PSMD12: variants seen among roughly 807,000 people sequenced by gnomAD.
PSMD12 encodes the protein 26S proteasome non-ATPase regulatory subunit 12.
PSMD12 carries 8 observed loss-of-function variants against 62.9 expected under a neutral mutation model. The ratio of observed to expected loss-of-function variants is 0.13; its 90% CI spans 0.07 to 0.23. The LOEUF (loss-of-function observed/expected upper bound fraction) is 0.23, where lower values mean the gene tolerates loss of function less well. Among genes scored for constraint, PSMD12 ranks in the 10% least tolerant of loss-of-function variants. PSMD12 has a pLI of 1.00. For synonymous variants in PSMD12, 173 were observed against 187.4 expected, an observed-to-expected ratio of 0.92 and a Z score of 0.63; for missense variants, 424 against 550.2, an observed-to-expected ratio of 0.77 and a Z score of 2.29.
At chr17:67,351,042 C>T (rs145681975) in intron 3 of PSMD12, among the ~76,000 whole-genome samples, 1 of 151,976 alleles carries the variant, frequency 6.6e-6, no homozygotes, top group Non-Finnish European at 1.5e-5. Flanking sequence ...GATTTGTGTC[C>T]CATCATTTGC....
At chr17:67,349,512 T>A in intron 4 of PSMD12, among the ~76,000 whole-genome samples, 1 of 152,212 alleles carries the variant, frequency 6.6e-6, no homozygotes, top group East Asian at 1.9e-4. Context: ...GAAATTACTA[T>A]GTTTAACAAA....
rs1598574496 is a variant in PSMD12, at chr17:67,357,793, A to C, written c.109-215T>G. On this transcript the variant is annotated intron_variant, in intron 1 of 10. Transcript: ENST00000356126. The stretch of plus-strand genomic sequence containing the variant: ...CAGTGGTTCCCTACTTGAAGCCCAT[A>C]AGCTATTTTTAATATTTTTAAATGC... Among the ~76,000 whole-genome samples, 3 of 152,320 alleles carry C rather than the reference A, an allele frequency of 2.0e-5. No homozygotes were observed. In the South Asian group the frequency reaches 6.2e-4, roughly 32 times the overall value.
At position 67,347,161 on chromosome 17, in the gene PSMD12, T is replaced by C. The variant is rs1335083685; in HGVS notation, c.750A>G (p.Ile250Met). Residue 250 changes from isoleucine to methionine, a missense_variant, in exon 7 of 11, where the codon ATA becomes ATG. By Grantham distance (10) the Ile-to-Met change is conservative. Coordinates refer to ENST00000356126, the MANE Select transcript of PSMD12 (RefSeq NM_002816.5). ...CTGCCTGTATACAGGGAGTATCATATATTGCTCTGTAGTGCTTACAAATAG... is the reference window on the plus strand; with the variant it reads ...CTGCCTGTATACAGGGAGTATCATACATTGCTCTGTAGTGCTTACAAATAG... Reference protein sequence around the residue: ...YLSICKHYRAIYDTPCIQAES... With the variant: ...YLSICKHYRAMYDTPCIQAES... 4.3e-6 allele frequency: 7 copies of C among 1,613,258 alleles called. No homozygotes were observed. Among genetic ancestry groups the C allele is most frequent in the African/African-American group, 1.3e-5 (1 of 74,922 alleles).
Position 67,345,925 on chromosome 17 carries a change from A to G in PSMD12, c.796-68T>C, listed in dbSNP as rs923484141. 1.1e-5 allele frequency: 15 copies of G among 1,372,046 alleles called. No homozygotes were observed. The Admixed American group carries it at 2.6e-4, about 24-fold the overall frequency. The allele number at this position is 1,372,046 out of a possible 1,614,324, so 85.0% of individuals were successfully genotyped here. A position where few individuals can be genotyped will look rare whatever the true frequency, so the allele number is the denominator to read the frequency against. ...ATGGAAACTTTGACAAAAACTGAAC[A>G]ATCATGGAATAACTATATATCCATT... On this transcript the variant is annotated intron_variant, in intron 7 of 10. Transcript: ENST00000356126.
chr17:67,360,127 G>T (rs999824726), intron 1 of PSMD12, among the ~76,000 whole-genome samples: 1 of 152,130 alleles, frequency 6.6e-6, no homozygotes, highest in Non-Finnish European at 1.5e-5. Context: ...TTTGATCAAA[G>T]TCATCTCTAT....
intron 4 of PSMD12, 93 bp downstream of exon 4, chr17:67,350,134 CAT>C (rs1293185601): frequency 1.4e-6 from 1 of 733,150 alleles, no homozygotes; most frequent in Non-Finnish European, 2.1e-6. Flanking sequence ...AAAAAATAAA[CAT>C]AAAAATATAC....
At chr17:67,345,316 C>G (rs1048340906) in intron 8 of PSMD12, among the ~76,000 whole-genome samples, 1 of 152,142 alleles carries the variant, frequency 6.6e-6, no homozygotes, top group African/African-American at 2.4e-5. Context: ...TAGTTTTATT[C>G]TCTAGTATAC....
At chr17:67,347,004 G>A (rs1340630481) in intron 7 of PSMD12, 112 bp downstream of exon 7, 2 of 1,151,206 alleles carry the variant, frequency 1.7e-6, no homozygotes, top group East Asian at 4.8e-5. Flanking sequence ...TGAATAGAAA[G>A]CAGCACCATA....
At chr17:67,346,797 A>G in intron 7 of PSMD12, among the ~76,000 whole-genome samples, 1 of 152,224 alleles carries the variant, frequency 6.6e-6, no homozygotes, top group East Asian at 1.9e-4. Flanking sequence ...AATGTGGAAT[A>G]TATATATAAA....
In PSMD12 at chr17:67,345,745, T is replaced by C. The variant is rs1379203852; in HGVS notation, c.908A>G (p.Lys303Arg). 1.1e-5 allele frequency: 17 copies of C among 1,595,362 alleles called. No homozygotes were observed. The highest frequency in any genetic ancestry group is 1.3e-5 in the African/African-American group (1 of 74,454). Residue 303 changes from lysine (K) to arginine (R), a missense_variant and splice_region_variant, in exon 8 of 11, where the codon AAG (lysine) becomes AGG (arginine). Lys to Arg is a conservative substitution (Grantham distance 26). Coordinates refer to ENST00000356126, the MANE Select transcript of PSMD12 (RefSeq NM_002816.5). ...DKKLEEIPKY[K>R]DLLKLFTTME... ...TCATGCTAATTTCAAAAGTACTTAC[T>C]TGTATTTGGGAATTTCTTCTAACTT... is the stretch of plus-strand genomic sequence containing the variant.
intron 1 of PSMD12, 32 bp from the exon 2 acceptor site, chr17:67,357,610 A>G: frequency 6.3e-7 from 1 of 1,588,460 alleles, no homozygotes; most frequent in Non-Finnish European, 8.6e-7. Flanking sequence ...AACAATAAAA[A>G]AACACACAAA....
intron 1 of PSMD12, among the ~76,000 whole-genome samples, chr17:67,362,283 T>C (rs1414363360): frequency 6.6e-6 from 1 of 152,228 alleles, no homozygotes; most frequent in Non-Finnish European, 1.5e-5. Context: ...GGCAAAGAGA[T>C]AACCATCATC....
intron 4 of PSMD12, among the ~76,000 whole-genome samples, chr17:67,349,743 C>T (rs1391243779): frequency 1.3e-5 from 2 of 151,958 alleles, no homozygotes; most frequent in Admixed American, 6.6e-5. Context: ...TTATAATTTC[C>T]AACAAATTAA....
chr17:67,345,261 C>T (rs2041953962), intron 8 of PSMD12, among the ~76,000 whole-genome samples: 1 of 152,190 alleles, frequency 6.6e-6, no homozygotes, highest in Middle Eastern at 3.2e-3. Flanking sequence ...ATCTCATTTA[C>T]TGCTGATGCA....
intron 7 of PSMD12, among the ~76,000 whole-genome samples, 158 bp downstream of exon 7, chr17:67,346,958 G>C (rs145190341): frequency 2.4e-4 from 37 of 152,272 alleles, no homozygotes; most frequent in Non-Finnish European, 4.4e-4. Flanking sequence ...AACTATGGCT[G>C]CAATTGGACT....
intron 3 of PSMD12, among the ~76,000 whole-genome samples, chr17:67,355,038 T>C (rs1236068804): frequency 1.3e-5 from 2 of 151,506 alleles, no homozygotes; most frequent in Non-Finnish European, 1.5e-5. Flanking sequence ...TTAGGTTGTC[T>C]CAATTAAATT....
At position 67,340,268 on chromosome 17, in the gene PSMD12, A is replaced by G. The variant is rs893910658; in HGVS notation, c.*575T>C. On this transcript the variant is annotated 3_prime_UTR_variant, in exon 11 of 11. Transcript: ENST00000356126. ...AGCCGGACTCAAAAAAAAAAAAAAA[A>G]AAGTCTACAGTTTACCAGCATACAC... is the stretch of plus-strand genomic sequence containing the variant. 1 of 151,602 alleles carries G rather than the reference A, an allele frequency of 6.6e-6. No individual in the cohort carries two copies. The highest frequency in any genetic ancestry group is 1.9e-4 in the East Asian group (1 of 5,200). 9.4% of individuals were successfully genotyped at this position (151,602 alleles called of 1,614,324 possible). A position where few individuals can be genotyped will look rare whatever the true frequency, so the allele number is the denominator to read the frequency against.
At chr17:67,364,901 T>A (rs1274432635) in intron 1 of PSMD12, among the ~76,000 whole-genome samples, 1 of 152,156 alleles carries the variant, frequency 6.6e-6, no homozygotes, top group South Asian at 2.1e-4. Context: ...TTCAGGTTTT[T>A]GGCCAGCCGC....
At chr17:67,342,132 A>G in intron 10 of PSMD12, 54 bp downstream of exon 10, 1 of 1,256,218 alleles carries the variant, frequency 8.0e-7, no homozygotes, top group Non-Finnish European at 1.1e-6. Context: ...AATTTTTACA[A>G]GTCAACATTC....
Sources: allele counts gnomAD v4.1 joint callset (sites outside exome capture counted in the v4.1 genomes callset), GRCh38; gene constraint gnomAD v4.1.1; transcripts MANE v1.5; gene names NCBI Gene and HGNC (gene_info 2026-07-23, HGNC 2026-07-21).